Variants in GRIK2 observed in about 807,000 individuals in gnomAD.
GRIK2 encodes glutamate receptor ionotropic, kainate 2.
A neutral mutation model predicts 100.3 loss-of-function variants in GRIK2; 32 were observed. That is an observed-to-expected ratio of 0.32 (90% CI 0.24 to 0.43). The LOEUF (loss-of-function observed/expected upper bound fraction) is 0.43. GRIK2 is among the 20% of genes least tolerant of loss of function. The pLI, the probability that GRIK2 is intolerant of heterozygous loss-of-function variation, is 1.00. For synonymous variants in GRIK2, 417 were observed against 389.4 expected (o/e 1.07, Z -0.83); for missense variants, 843 against 1,114.9 (o/e 0.76, Z 3.47).
At chr6:101,592,262 T>G (rs1313201482) in intron 2 of GRIK2, among the ~76,000 whole-genome samples, 1 of 151,812 alleles carries the variant, frequency 6.6e-6, no homozygotes, top group Non-Finnish European at 1.5e-5. Context: ...GAAAGCAGAC[T>G]ATGAAGTGGA....
intron 2 of GRIK2, among the ~76,000 whole-genome samples, chr6:101,566,908 CTATT>C (rs1777303730): frequency 6.7e-6 from 1 of 149,856 alleles, no homozygotes; most frequent in Admixed American, 6.7e-5. Flanking sequence ...ATATACATGT[CTATT>C]AAATACATAC....
chr6:101,867,888 C>G (rs1010489580), intron 11 of GRIK2, among the ~76,000 whole-genome samples: 2 of 151,450 alleles, frequency 1.3e-5, no homozygotes, highest in African/African-American at 4.8e-5. Context: ...AAAACCAGAG[C>G]TAAGGATTAT....
intron 14 of GRIK2, among the ~76,000 whole-genome samples, chr6:102,000,367 A>G (rs1794875290): frequency 6.7e-6 from 1 of 148,604 alleles, no homozygotes; most frequent in African/African-American, 2.5e-5. Flanking sequence ...TAATGGTCCT[A>G]TCACCTGGGT....
chr6:101,698,749 T>A (rs1435121946), intron 7 of GRIK2, among the ~76,000 whole-genome samples: 1 of 152,190 alleles, frequency 6.6e-6, no homozygotes, highest in African/African-American at 2.4e-5. Context: ...TGAAGAATTA[T>A]CAGTTTAATA....
rs181636911 is a variant in GRIK2 at position 101,767,625 on chromosome 6, A to T, written c.952-32023A>T. Among the ~76,000 whole-genome samples the T allele has an allele frequency of 3.0e-3, 463 of 152,224 alleles. 2 individuals carry two copies. Among genetic ancestry groups the T allele is most frequent in the Non-Finnish European group, 5.3e-3 (358 of 67,992 alleles). On this transcript the variant is annotated intron_variant, in intron 7 of 16. Transcript: ENST00000369134. Reference sequence around the variant, plus strand: ...ATTGTATATTTGACTTTTGATTAAAATAATAAAAATAAACACAATATGTGT... The same window carrying T: ...ATTGTATATTTGACTTTTGATTAAATTAATAAAAATAAACACAATATGTGT...
chr6:101,407,290 T>A (rs554220554), intron 2 of GRIK2, among the ~76,000 whole-genome samples: 1 of 152,186 alleles, frequency 6.6e-6, no homozygotes, highest in South Asian at 2.1e-4. Context: ...CTGGATTATC[T>A]AAGCTAAAGG....
intron 2 of GRIK2, among the ~76,000 whole-genome samples, chr6:101,456,390 C>T (rs1771012642): frequency 6.6e-6 from 1 of 151,872 alleles, no homozygotes; most frequent in African/African-American, 2.4e-5. Context: ...TATTGTTTAT[C>T]TAGGAAGCTA....
intron 11 of GRIK2, among the ~76,000 whole-genome samples, chr6:101,881,316 CTT>C (rs201405104): frequency 6.6e-6 from 1 of 151,674 alleles, no homozygotes. Context: ...GGCAGAATAA[CTT>C]TTTTCACTTA....
chr6:101,820,611 T>G (rs1177481122), intron 10 of GRIK2, among the ~76,000 whole-genome samples: 2 of 152,070 alleles, frequency 1.3e-5, no homozygotes, highest in African/African-American at 4.8e-5. Context: ...TCCTAGCTAA[T>G]TTTTGTATTT....
chr6:101,450,658 T>C (rs1770624801), intron 2 of GRIK2, among the ~76,000 whole-genome samples: 1 of 151,746 alleles, frequency 6.6e-6, no homozygotes, highest in East Asian at 1.9e-4. Context: ...ATAGAGTTCA[T>C]CCTTTTTATC....
At chr6:101,559,357 C>T (rs929414121) in intron 2 of GRIK2, among the ~76,000 whole-genome samples, 1 of 152,066 alleles carries the variant, frequency 6.6e-6, no homozygotes, top group Non-Finnish European at 1.5e-5. Context: ...CTGAAGCTCT[C>T]TATAATCTTG....
At chr6:101,410,190 A>T (rs1321109169) in intron 2 of GRIK2, among the ~76,000 whole-genome samples, 2 of 152,112 alleles carry the variant, frequency 1.3e-5, no homozygotes, top group Non-Finnish European at 2.9e-5. Context: ...TCATAAGTAT[A>T]TTGTTCTAGT....
intron 9 of GRIK2, among the ~76,000 whole-genome samples, chr6:101,806,189 A>G (rs1224913651): frequency 6.6e-6 from 1 of 152,082 alleles, no homozygotes; most frequent in Non-Finnish European, 1.5e-5. Context: ...GACTTTGCCT[A>G]GTTCAGGCAA....
At chr6:101,803,608 T>C (rs1780808377) in intron 9 of GRIK2, among the ~76,000 whole-genome samples, 1 of 151,910 alleles carries the variant, frequency 6.6e-6, no homozygotes, top group African/African-American at 2.4e-5. Flanking sequence ...AATGGTAGAA[T>C]TCAGTAAGCT....
chr6:102,026,346 T>A (rs1386625505), intron 14 of GRIK2, among the ~76,000 whole-genome samples: 2 of 150,774 alleles, frequency 1.3e-5, no homozygotes, highest in African/African-American at 4.8e-5. Flanking sequence ...TTAAAGAAGC[T>A]TTTTATTACA....
chr6:101,686,151 AT>A (rs752169246), intron 6 of GRIK2, 28 bp from the exon 7 acceptor site: 9 of 1,590,566 alleles, frequency 5.7e-6, no homozygotes, highest in Non-Finnish European at 6.9e-6. Context: ...TCTGTCCATA[AT>A]AACAACACAA....
chr6:101,947,484 T>C (rs1383430147), intron 14 of GRIK2, among the ~76,000 whole-genome samples: 1 of 152,184 alleles, frequency 6.6e-6, no homozygotes, highest in African/African-American at 2.4e-5. Flanking sequence ...TCTTAACCTA[T>C]AAAACAAGTA....
Position 101,514,330 on chromosome 6 carries a change from G to A in GRIK2, c.116-107619G>A, listed in dbSNP as rs531688445. Among the ~76,000 whole-genome samples, 12 of 152,118 alleles carry A rather than the reference G, an allele frequency of 7.9e-5. No homozygotes were observed. In the South Asian group the frequency reaches 2.1e-3, roughly 26 times the overall value. On this transcript the variant is annotated intron_variant, in intron 2 of 16. Coordinates refer to ENST00000369134, the MANE Select transcript of GRIK2 (RefSeq NM_021956.5). ...GTCCTCATGCCAGTTTAGATAAAACGACACGGACACACATGGAGTGGTTTT... is the reference window on the plus strand; with the variant it reads ...GTCCTCATGCCAGTTTAGATAAAACAACACGGACACACATGGAGTGGTTTT...
chr6:101,829,785 A>G (rs993228580), intron 10 of GRIK2, among the ~76,000 whole-genome samples: 4 of 152,056 alleles, frequency 2.6e-5, no homozygotes, highest in Admixed American at 2.0e-4. Flanking sequence ...ATGGAAAAGC[A>G]TTCCATGCTC....
Sources: gnomAD v4.1 joint callset for allele counts (sites outside exome capture counted in the v4.1 genomes callset) on GRCh38, gnomAD v4.1.1 for gene constraint, MANE v1.5 for transcripts, NCBI Gene and HGNC (gene_info 2026-07-23, HGNC 2026-07-21) for gene names.